Variants in NEBL observed in about 807,000 individuals in gnomAD.
NEBL encodes LIM and SH3 protein 2.
A neutral mutation model predicts 140.2 loss-of-function variants in NEBL; 122 were observed. That is an observed-to-expected ratio of 0.87 (90% CI 0.75 to 1.01). The LOEUF (loss-of-function observed/expected upper bound fraction) is 1.01, where lower values mean the gene tolerates loss of function less well. Ranked by LOEUF, NEBL falls within the 50% of genes least tolerant of loss-of-function variation. The pLI is 0.00. For missense variants in NEBL, 1,365 were observed against 1,231.3 expected (o/e 1.11, Z -1.62); for synonymous variants, 436 against 398.9 (o/e 1.09, Z -1.11).
chr10:21,138,503 G>A (rs1463214601), intron 2 of NEBL, among the ~76,000 whole-genome samples: 1 of 152,154 alleles, frequency 6.6e-6, no homozygotes, highest in Non-Finnish European at 1.5e-5. Flanking sequence ...AACAAAAAGA[G>A]GGGTCAGGGT....
chr10:20,863,087 C>T (rs986208309), intron 7 of NEBL, among the ~76,000 whole-genome samples: 1 of 152,092 alleles, frequency 6.6e-6, no homozygotes, highest in Non-Finnish European at 1.5e-5. Flanking sequence ...GAGGCTCACA[C>T]TTGGAGAAAA....
chr10:20,788,457 C>T (rs1835628260), intron 26 of NEBL, among the ~76,000 whole-genome samples: 1 of 152,004 alleles, frequency 6.6e-6, no homozygotes, highest in African/African-American at 2.4e-5. Context: ...AGAAAATTCA[C>T]TCTAATAAGT....
At chr10:21,097,018 A>G (rs1488377052) in intron 2 of NEBL, among the ~76,000 whole-genome samples, 1 of 152,048 alleles carries the variant, frequency 6.6e-6, no homozygotes, top group Non-Finnish European at 1.5e-5. Context: ...CCTGGCTTAT[A>G]TTTTATTTAA....
At chr10:21,019,130 C>A (rs1838678122) in intron 3 of NEBL, among the ~76,000 whole-genome samples, 1 of 152,298 alleles carries the variant, frequency 6.6e-6, no homozygotes, top group Middle Eastern at 3.4e-3. Context: ...CTTTCATATA[C>A]CAGGAATTCT....
intron 2 of NEBL, among the ~76,000 whole-genome samples, chr10:21,036,063 C>T (rs148675827): frequency 6.6e-6 from 1 of 151,826 alleles, no homozygotes; most frequent in Non-Finnish European, 1.5e-5. Flanking sequence ...CTCAGGGAGC[C>T]GAGGCAGGAG....
At chr10:20,794,557 G>C (rs893316657) in intron 26 of NEBL, among the ~76,000 whole-genome samples, 13 of 152,106 alleles carry the variant, frequency 8.5e-5, no homozygotes, top group African/African-American at 3.1e-4. Flanking sequence ...TAAGTGTACA[G>C]TTGTTTGACA....
At chr10:21,041,175 C>A (rs139297826) in intron 2 of NEBL, among the ~76,000 whole-genome samples, 131 of 152,254 alleles carry the variant, frequency 8.6e-4, no homozygotes, top group African/African-American at 3.1e-3. Flanking sequence ...CAGCATAATA[C>A]CTGATAGTTT....
intron 22 of NEBL, 144 bp from the exon 23 acceptor site, chr10:20,814,187 G>C (rs746998801): frequency 1.5e-6 from 1 of 680,082 alleles, no homozygotes; most frequent in Non-Finnish European, 2.6e-6. Flanking sequence ...TTTTGTTCTA[G>C]AATAGCAACC....
intron 2 of NEBL, chr10:21,030,097 G>A: frequency 2.1e-6 from 1 of 474,456 alleles, no homozygotes; most frequent in Non-Finnish European, 4.1e-6. Context: ...TCTTTGGAGG[G>A]GCAAAGCCCG....
At chr10:21,068,953 A>ACT in intron 2 of NEBL, among the ~76,000 whole-genome samples, 1 of 152,312 alleles carries the variant, frequency 6.6e-6, no homozygotes, top group Non-Finnish European at 1.5e-5. Flanking sequence ...AAGTGGCAAG[A>ACT]TCACGGCTCA....
At chr10:21,287,359 A>G (rs1478186134) in intron 1 of NEBL, among the ~76,000 whole-genome samples, 1 of 152,060 alleles carries the variant, frequency 6.6e-6, no homozygotes, top group Non-Finnish European at 1.5e-5. Flanking sequence ...AACATGGTAA[A>G]ACCCCATCTC....
chr10:20,974,280 G>T (rs1188603342), intron 3 of NEBL, among the ~76,000 whole-genome samples: 1 of 149,800 alleles, frequency 6.7e-6, no homozygotes, highest in Non-Finnish European at 1.5e-5. Flanking sequence ...TTTAGACAGG[G>T]TCTCACTCTG....
At chr10:21,005,350 C>A (rs1042335461) in intron 3 of NEBL, among the ~76,000 whole-genome samples, 2 of 152,156 alleles carry the variant, frequency 1.3e-5, no homozygotes, top group Non-Finnish European at 2.9e-5. Flanking sequence ...CAGATTAGTC[C>A]CCAGCAGCCT....
rs555857799 is a variant in NEBL, at chr10:21,106,134, G to T, written c.164+66249C>A. On this transcript the variant is annotated intron_variant, in intron 2 of 6. Coordinates refer to the NEBL transcript ENST00000417816. ...TGCAAAGATTTTCTCCCATTCTGTA[G>T]GTTGCCTGTTCACTCTGATGATAGT... Among the ~76,000 whole-genome samples the T allele has an allele frequency of 6.2e-3, 946 of 151,986 alleles. 1 individual carries two copies. Among genetic ancestry groups the T allele is most frequent in the African/African-American group, 0.022 (893 of 41,436 alleles).
At chr10:20,901,901 G>C (rs1205781261), upstream of NEBL, among the ~76,000 whole-genome samples, 1 of 152,190 alleles carries the variant, frequency 6.6e-6, no homozygotes, top group Non-Finnish European at 1.5e-5. Context: ...TTTCTTGAAA[G>C]AAGAAATGTA....
upstream of NEBL, among the ~76,000 whole-genome samples, chr10:21,178,186 A>G (rs1841333098): frequency 6.6e-6 from 1 of 152,226 alleles, no homozygotes; most frequent in Non-Finnish European, 1.5e-5. Flanking sequence ...CTGCAAGTCA[A>G]TGAGAAATGT....
chr10:21,212,744 G>A (rs1248085001), intron 3 of NEBL, among the ~76,000 whole-genome samples: 1 of 152,088 alleles, frequency 6.6e-6, no homozygotes, highest in Admixed American at 6.6e-5. Context: ...CTCGTGTTTC[G>A]ACACTAGTTT....
At chr10:21,210,934 G>A in intron 3 of NEBL, among the ~76,000 whole-genome samples, 1 of 152,162 alleles carries the variant, frequency 6.6e-6, no homozygotes, top group South Asian at 2.1e-4. Context: ...GTTAATTTTA[G>A]CTGGGTTGCA....
At chr10:21,146,181 T>C (rs1252589586) in intron 2 of NEBL, among the ~76,000 whole-genome samples, 2 of 152,244 alleles carry the variant, frequency 1.3e-5, no homozygotes, top group Non-Finnish European at 2.9e-5. Context: ...CGCTGCTTAA[T>C]CTAGGTCAGT....
Sources: gnomAD v4.1 joint callset for allele counts (sites outside exome capture counted in the v4.1 genomes callset) on GRCh38, gnomAD v4.1.1 for gene constraint, MANE v1.5 for transcripts, NCBI Gene and HGNC (gene_info 2026-07-23, HGNC 2026-07-21) for gene names.